CSMD1: variants seen among roughly 807,000 people sequenced by gnomAD.
The protein encoded by CSMD1 is CUB and sushi domain-containing protein 1.
CSMD1 carries 213 observed loss-of-function variants against 417.5 expected under a neutral mutation model. The observed-to-expected ratio is 0.51, with a 90% CI of 0.46 to 0.57. The LOEUF is 0.57. CSMD1 is among the 20% of genes least tolerant of loss of function. The pLI is 0.00. For synonymous variants in CSMD1, 2,862 were observed against 1,736.8 expected (o/e 1.65, Z -16.11); for missense variants, 6,923 against 4,529.7 (o/e 1.53, Z -15.17).
Position 4,080,448 on chromosome 8 carries a change from T to A in CSMD1, c.416-48349A>T, listed in dbSNP as rs562980042. The stretch of plus-strand genomic sequence containing the variant: ...GCCATTACATACATTATCCATGTGT[T>A]ACATATGATCAATAAGGTTTTATTA... On this transcript the variant is annotated intron_variant, in intron 3 of 69. Coordinates refer to ENST00000635120, the MANE Select transcript of CSMD1 (RefSeq NM_033225.6). 2.6e-5 allele frequency among the ~76,000 whole-genome samples: 4 copies of A among 152,338 alleles called. No homozygotes were observed. In the South Asian group the frequency reaches 8.3e-4, roughly 32 times the overall value.
chr8:4,871,385 T>A (rs190929314), intron 1 of CSMD1, among the ~76,000 whole-genome samples: 101 of 152,190 alleles, frequency 6.6e-4, no homozygotes, highest in Non-Finnish European at 5.4e-4. Flanking sequence ...CCAACAGGTA[T>A]TTTCAACCTG....
intron 52 of CSMD1, among the ~76,000 whole-genome samples, chr8:3,008,124 T>G (rs1282691471): frequency 6.6e-6 from 1 of 152,138 alleles, no homozygotes. Context: ...GATGGAGTAT[T>G]GAGTCCATTT....
intron 3 of CSMD1, among the ~76,000 whole-genome samples, chr8:4,378,817 C>A (rs187640751): frequency 1.3e-5 from 2 of 152,230 alleles, no homozygotes; most frequent in African/African-American, 4.8e-5. Flanking sequence ...GCTTTTTCCC[C>A]TTCTGCCATG....
intron 8 of CSMD1, among the ~76,000 whole-genome samples, chr8:3,601,876 G>T (rs769152566): frequency 2.0e-5 from 3 of 152,132 alleles, no homozygotes; most frequent in Admixed American, 6.5e-5. Flanking sequence ...GCAAAGGAGA[G>T]AGTTAGTGTT....
At chr8:3,748,032 C>G (rs1159507981) in intron 6 of CSMD1, among the ~76,000 whole-genome samples, 1 of 152,108 alleles carries the variant, frequency 6.6e-6, no homozygotes, top group Non-Finnish European at 1.5e-5. Flanking sequence ...TAGCAAGACA[C>G]ACAGGTAGAA....
At chr8:4,717,734 C>T (rs1477247965) in intron 1 of CSMD1, among the ~76,000 whole-genome samples, 1 of 152,064 alleles carries the variant, frequency 6.6e-6, no homozygotes, top group African/African-American at 2.4e-5. Flanking sequence ...GCCATGTTTG[C>T]AGGAAGCAAT....
intron 5 of CSMD1, among the ~76,000 whole-genome samples, chr8:3,798,496 G>C (rs964115336): frequency 1.3e-5 from 2 of 152,004 alleles, no homozygotes; most frequent in African/African-American, 4.8e-5. Flanking sequence ...ACTGCAGAAG[G>C]TCAAAAGGTG....
intron 62 of CSMD1, among the ~76,000 whole-genome samples, chr8:2,958,236 C>T (rs1803162372): frequency 1.3e-5 from 2 of 152,162 alleles, no homozygotes; most frequent in African/African-American, 2.4e-5. Context: ...CAAAACTCTA[C>T]CTGTCTTTCT....
intron 3 of CSMD1, among the ~76,000 whole-genome samples, chr8:4,156,959 C>T (rs1488160846): frequency 6.6e-6 from 1 of 152,070 alleles, no homozygotes; most frequent in African/African-American, 2.4e-5. Context: ...ACCAACTTTG[C>T]AACTGCTTGG....
rs189165133 is a variant in CSMD1, at chr8:3,183,723, C to A, written c.5621-2509G>T. Among the ~76,000 whole-genome samples, 3 of 152,352 alleles carry A rather than the reference C, an allele frequency of 2.0e-5. No individual in the cohort carries two copies. In the East Asian group the frequency reaches 5.8e-4, roughly 29 times the overall value. ...TACTGTTTCTTAATACCATTGGCAT[C>A]CATCCACATCATCACATTCAAAGCT... is the stretch of plus-strand genomic sequence containing the variant. On this transcript the variant is annotated intron_variant, in intron 36 of 69. Coordinates refer to ENST00000635120, the MANE Select transcript of CSMD1 (RefSeq NM_033225.6).
chr8:4,213,357 CA>C (rs1192925424), intron 3 of CSMD1, among the ~76,000 whole-genome samples: 2 of 151,856 alleles, frequency 1.3e-5, no homozygotes, highest in East Asian at 1.9e-4. Flanking sequence ...GGGCCGTGCA[CA>C]AAAAAAGGCT....
intron 11 of CSMD1, among the ~76,000 whole-genome samples, chr8:3,476,987 G>C (rs1182342001): frequency 1.3e-5 from 2 of 151,814 alleles, no homozygotes; most frequent in Non-Finnish European, 2.9e-5. Context: ...CAACACAAAG[G>C]GATACTACAG....
chr8:4,429,059 G>T (rs1023289780), intron 2 of CSMD1, among the ~76,000 whole-genome samples: 1 of 151,794 alleles, frequency 6.6e-6, no homozygotes, highest in Non-Finnish European at 1.5e-5. Flanking sequence ...TACTTACAGT[G>T]TACAATACAA....
At chr8:3,279,602 C>T (rs902803642) in intron 26 of CSMD1, among the ~76,000 whole-genome samples, 1 of 152,048 alleles carries the variant, frequency 6.6e-6, no homozygotes, top group Non-Finnish European at 1.5e-5. Context: ...TTATATTAGT[C>T]TGCTCTCATG....
chr8:3,091,994 T>C lies in CSMD1; in HGVS notation c.7139-332A>G, dbSNP rs192332614. Among the ~76,000 whole-genome samples the C allele has an allele frequency of 7.2e-5, 11 of 152,240 alleles. No individual in the cohort carries two copies. The South Asian group carries it at 1.9e-3, about 26-fold the overall frequency. On this transcript the variant is annotated intron_variant, in intron 47 of 69. Coordinates refer to ENST00000635120, the MANE Select transcript of CSMD1 (RefSeq NM_033225.6). ...ACAATATTGTACTTACACAGGAAAATAGAAACTTTCATGTAATACTAGTGG... is the reference window on the plus strand; with the variant it reads ...ACAATATTGTACTTACACAGGAAAACAGAAACTTTCATGTAATACTAGTGG...
chr8:3,044,901 A>G (rs1167441321), intron 50 of CSMD1, among the ~76,000 whole-genome samples: 1 of 152,250 alleles, frequency 6.6e-6, no homozygotes, highest in Non-Finnish European at 1.5e-5. Context: ...CAAAGGAATG[A>G]GCCCTGGGGA....
In CSMD1 at chr8:3,107,817, G is replaced by C. The variant is rs928796490; in HGVS notation, c.6755-19C>G. The C allele has an allele frequency of 1.3e-6, 2 of 1,494,668 alleles. No homozygotes were observed. The highest frequency in any genetic ancestry group is 9.1e-7 in the Non-Finnish European group (1 of 1,094,728). The allele number at this position is 1,494,668 out of a possible 1,614,324, so 92.6% of individuals were successfully genotyped here. On this transcript the variant is annotated intron_variant, in intron 44 of 69. Coordinates refer to ENST00000635120, the MANE Select transcript of CSMD1 (RefSeq NM_033225.6). ...TGAAATGCTAAATGATTAATGGAAA[G>C]AATAATAATAATTGCAATTACACTT...
At chr8:4,117,186 A>G (rs535109551) in intron 3 of CSMD1, among the ~76,000 whole-genome samples, 1 of 151,664 alleles carries the variant, frequency 6.6e-6, no homozygotes, top group South Asian at 2.1e-4. Context: ...ATTCATCTCG[A>G]TGGTTGCTGG....
chr8:3,889,576 T>C lies in CSMD1; in HGVS notation c.818+108327A>G, dbSNP rs550403492. 6.2e-4 allele frequency among the ~76,000 whole-genome samples: 92 copies of C among 147,526 alleles called. 1 individual carries two copies. The highest frequency in any genetic ancestry group is 2.1e-3 in the African/African-American group (85 of 40,288). On this transcript the variant is annotated intron_variant, in intron 5 of 69. Coordinates refer to ENST00000635120, the MANE Select transcript of CSMD1 (RefSeq NM_033225.6). ...ATGTGTGTCTGTGTGTGTGTATGTG[T>C]ATGTATACATATATGCTCATTAGGT...
Sources: gnomAD v4.1 joint callset for allele counts (sites outside exome capture counted in the v4.1 genomes callset) on GRCh38, gnomAD v4.1.1 for gene constraint, MANE v1.5 for transcripts, NCBI Gene and HGNC (gene_info 2026-07-23, HGNC 2026-07-21) for gene names.